PKHD1L1: variants seen among roughly 807,000 people sequenced by gnomAD.
PKHD1L1 encodes fibrocystin-L.
In PKHD1L1, 434 loss-of-function variants were observed where a neutral mutation model predicts 462.9. That is an observed-to-expected ratio of 0.94 (90% confidence interval 0.87 to 1.02). PKHD1L1 has a LOEUF of 1.02. Among genes scored for constraint, PKHD1L1 ranks in the 50% least tolerant of loss-of-function variants. The pLI is 0.00. For missense variants in PKHD1L1, 5,202 were observed against 5,096.1 expected, an observed-to-expected ratio of 1.02 and a Z score of -0.63; for synonymous variants, 1,781 against 1,750.0, an observed-to-expected ratio of 1.02 and a Z score of -0.44.
rs1405755957 is a variant in PKHD1L1, at chr8:109,479,513, A to G, written c.9090-38A>G. On this transcript the variant is annotated intron_variant, in intron 53 of 77. Coordinates refer to ENST00000378402, the MANE Select transcript of PKHD1L1 (RefSeq NM_177531.6). ...TTAGACAAAATTAGGGAATATCACA[A>G]GTAGTAATTCATGGAAGTATTTCTC... The G allele has an allele frequency of 2.4e-6, 3 of 1,262,638 alleles. No individual in the cohort carries two copies. The African/African-American group carries it at 4.5e-5, about 19-fold the overall frequency. The allele number at this position is 1,262,638 out of a possible 1,614,324, so 78.2% of individuals were successfully genotyped here. A position where few individuals can be genotyped will look rare whatever the true frequency, so the allele number is the denominator to read the frequency against.
intron 21 of PKHD1L1, 85 bp from the exon 22 acceptor site, chr8:109,419,012 T>C: frequency 8.4e-7 from 1 of 1,190,826 alleles, no homozygotes; most frequent in Non-Finnish European, 1.2e-6. Flanking sequence ...AATATTTTAC[T>C]CTATAAAATT....
At chr8:109,416,897 C>A (rs940127596) in intron 21 of PKHD1L1, among the ~76,000 whole-genome samples, 1 of 152,192 alleles carries the variant, frequency 6.6e-6, no homozygotes, top group Non-Finnish European at 1.5e-5. Context: ...TTGAATTAAA[C>A]AGTGAAATAA....
intron 2 of PKHD1L1, among the ~76,000 whole-genome samples, chr8:109,375,434 C>T (rs949282105): frequency 2.0e-5 from 3 of 152,032 alleles, no homozygotes; most frequent in Non-Finnish European, 2.9e-5. Context: ...AACTTCTTTG[C>T]CATTGGTTCG....
rs771831943 is a variant in PKHD1L1 at position 109,452,841 on chromosome 8, A to G, written c.6631A>G (p.Ser2211Gly). 2 of 1,518,464 alleles carry G rather than the reference A, an allele frequency of 1.3e-6. No homozygotes were observed. Among genetic ancestry groups the G allele is most frequent in the East Asian group, 2.5e-5 (1 of 40,394 alleles). The allele number at this position is 1,518,464 out of a possible 1,614,324, so 94.1% of individuals were successfully genotyped here. A position where few individuals can be genotyped will look rare whatever the true frequency, so the allele number is the denominator to read the frequency against. ...AGGACAGACCATTCTGCTGGATCAA[A>G]GCACCCCTATTTTGAAAATGTTGCT... ...TKGQTILLDQ[S>G]TPILKMLLIQ... Residue 2211 changes from serine to glycine, a missense_variant, in exon 43 of 78, where the codon AGC (serine) becomes GGC (glycine). Transcript: ENST00000378402.
chr8:109,462,150 G>C (rs778824387), intron 48 of PKHD1L1, among the ~76,000 whole-genome samples: 1 of 152,068 alleles, frequency 6.6e-6, no homozygotes, highest in Non-Finnish European at 1.5e-5. Flanking sequence ...GCTGTAACCA[G>C]AATCCAGTCT....
chr8:109,512,987 G>T (rs547605418), intron 71 of PKHD1L1, among the ~76,000 whole-genome samples: 2 of 151,814 alleles, frequency 1.3e-5, no homozygotes, highest in South Asian at 2.1e-4. Flanking sequence ...TCATGATTTG[G>T]CTCTCTGTTT....
rs116790458 is a variant in PKHD1L1 at position 109,380,046 on chromosome 8, C to A, written c.164-1324C>A. 2.2e-3 allele frequency among the ~76,000 whole-genome samples: 340 copies of A among 152,156 alleles called. 2 individuals carry two copies. Among genetic ancestry groups the A allele is most frequent in the African/African-American group, 7.6e-3 (314 of 41,512 alleles). On this transcript the variant is annotated intron_variant, in intron 2 of 77. Coordinates refer to ENST00000378402, the MANE Select transcript of PKHD1L1 (RefSeq NM_177531.6). ...TCTCCAGGATGAACATTAGTGTCACCCTATTAGCTACAGTGCTGGCTGCAG... is the reference window on the plus strand; with the variant it reads ...TCTCCAGGATGAACATTAGTGTCACACTATTAGCTACAGTGCTGGCTGCAG...
At chr8:109,477,106 C>A in intron 52 of PKHD1L1, 119 bp from the exon 53 acceptor site, 1 of 868,140 alleles carries the variant, frequency 1.2e-6, no homozygotes, top group Non-Finnish European at 1.8e-6. Flanking sequence ...CTCTTCCATA[C>A]ATGTGAATTA....
chr8:109,423,873 T>A (rs550367488), intron 23 of PKHD1L1, among the ~76,000 whole-genome samples: 1 of 152,318 alleles, frequency 6.6e-6, no homozygotes, highest in East Asian at 1.9e-4. Context: ...ACATGTTTTG[T>A]GAGATTTATA....
In PKHD1L1 at chr8:109,390,457, C is replaced by A; in HGVS notation, c.703C>A (p.His235Asn). The change falls in exon 9 of 78, where the codon CAC becomes AAC. Residue 235 changes from histidine to asparagine, a missense_variant. Coordinates refer to ENST00000378402, the MANE Select transcript of PKHD1L1 (RefSeq NM_177531.6). ...GTATTTTCATTAAATTCCAGGTCATCACAATGTCAGCTTCATCTTAGATAA... is the reference window on the plus strand; with the variant it reads ...GTATTTTCATTAAATTCCAGGTCATAACAATGTCAGCTTCATCTTAGATAA... ...CKTTGTFIGH[H>N]NVSFILDNDY... is the part of the protein sequence containing the mutation. The A allele has an allele frequency of 1.4e-6, 2 of 1,443,634 alleles. No homozygotes were observed. The highest frequency in any genetic ancestry group is 1.5e-5 in the South Asian group (1 of 68,756). The allele number at this position is 1,443,634 out of a possible 1,614,324, so 89.4% of individuals were successfully genotyped here. A position where few individuals can be genotyped will look rare whatever the true frequency, so the allele number is the denominator to read the frequency against.
intron 66 of PKHD1L1, 23 bp downstream of exon 66, chr8:109,498,596 G>A (rs764565754): frequency 6.2e-7 from 1 of 1,609,866 alleles, no homozygotes; most frequent in Admixed American, 1.7e-5. Flanking sequence ...AAACTTTAAT[G>A]TTGTTGTTCA....
At chr8:109,432,610 T>A (rs57288963) in intron 27 of PKHD1L1, among the ~76,000 whole-genome samples, 1,692 of 152,288 alleles carry the variant, frequency 0.011, 25 homozygotes, top group African/African-American at 0.036. Flanking sequence ...TTTAAGACGC[T>A]GGAACACAGG....
At chr8:109,399,418 GA>G (rs922194547) in intron 12 of PKHD1L1, among the ~76,000 whole-genome samples, 25 of 146,266 alleles carry the variant, frequency 1.7e-4, no homozygotes, top group South Asian at 4.3e-4. Context: ...GCAGTTGAAG[GA>G]AAAAAAAAAG....
chr8:109,513,858 C>T (rs1820129325), intron 71 of PKHD1L1, among the ~76,000 whole-genome samples: 1 of 152,124 alleles, frequency 6.6e-6, no homozygotes, highest in Non-Finnish European at 1.5e-5. Context: ...TTGAGCCTTT[C>T]CTGGATCATG....
Position 109,441,355 on chromosome 8 carries a change from A to T in PKHD1L1, c.4180A>T (p.Ile1394Phe). Reference sequence around the variant, plus strand: ...TCATTCAACTGGGAATATATTCAGGATTACCAACAATGGGAAAGATTCAGG... The same window carrying T: ...TCATTCAACTGGGAATATATTCAGGTTTACCAACAATGGGAAAGATTCAGG... Reference protein sequence around the residue: ...ILHSTGNIFRITNNGKDSVHG... With the variant: ...ILHSTGNIFRFTNNGKDSVHG... Residue 1394 changes from isoleucine (I) to phenylalanine (F), a missense_variant, in exon 34 of 78, where the codon ATT becomes TTT. Around this residue, in one of 3 missense-constraint regions of PKHD1L1, gnomAD observed 4,497 missense variants for 4,336.8 expected, o/e 1.04. Coordinates refer to ENST00000378402, the MANE Select transcript of PKHD1L1 (RefSeq NM_177531.6). The T allele has an allele frequency of 1.9e-6, 3 of 1,569,860 alleles. No homozygotes were observed. In the South Asian group the frequency reaches 3.5e-5, roughly 18 times the overall value.
At chr8:109,424,183 T>G (rs1334757212) in intron 23 of PKHD1L1, among the ~76,000 whole-genome samples, 1 of 152,236 alleles carries the variant, frequency 6.6e-6, no homozygotes. Context: ...TTTCGATTGT[T>G]CTTAAACTTC....
chr8:109,456,187 G>C, intron 45 of PKHD1L1, 75 bp from the exon 46 acceptor site: 1 of 1,453,262 alleles, frequency 6.9e-7, no homozygotes, highest in Non-Finnish European at 9.2e-7. Flanking sequence ...TTTAGGAAAA[G>C]ATTAAAATGT....
chr8:109,396,189 C>T (rs1304937271), intron 11 of PKHD1L1, 52 bp downstream of exon 11: 20 of 1,250,338 alleles, frequency 1.6e-5, no homozygotes, highest in Non-Finnish European at 2.3e-5. Context: ...ATTCTGCCTG[C>T]TCTTTAATAA....
Position 109,498,504 on chromosome 8 carries a change from G to C in PKHD1L1, c.10642G>C (p.Asp3548His), listed in dbSNP as rs755813507. Residue 3548 changes from aspartate to histidine, a missense_variant, in exon 66 of 78, where the codon GAT (aspartate) becomes CAT (histidine). By Grantham distance (81) the Asp-to-His change is moderately conservative. Around this residue, in one of 3 missense-constraint regions of PKHD1L1, gnomAD observed 4,497 missense variants for 4,336.8 expected, o/e 1.04. Coordinates refer to ENST00000378402, the MANE Select transcript of PKHD1L1 (RefSeq NM_177531.6). ...VGSSPGFNCS[D>H]VLTNDDPNIE... ...AAGTAGCCCTGGGTTTAATTGCTCTGATGTCCTAACTAATGATGATCCTAA... is the reference window on the plus strand; with the variant it reads ...AAGTAGCCCTGGGTTTAATTGCTCTCATGTCCTAACTAATGATGATCCTAA... 8.7e-6 allele frequency: 14 copies of C among 1,613,676 alleles called. 1 individual carries two copies. The South Asian group carries it at 1.5e-4, about 18-fold the overall frequency.
Sources: gnomAD v4.1 joint callset for allele counts (sites outside exome capture counted in the v4.1 genomes callset) on GRCh38, gnomAD v4.1.1 for gene constraint, gnomAD v4.1.1 regional missense constraint, MANE v1.5 for transcripts, NCBI Gene and HGNC (gene_info 2026-07-23, HGNC 2026-07-21) for gene names.